The following BANK1 variants were observed in gnomAD, a reference collection of about 807,000 sequenced individuals.
The protein encoded by BANK1 is B cell scaffold protein with ankyrin repeats 1.
A neutral mutation model predicts 94.5 loss-of-function variants in BANK1; 95 were observed. The ratio of observed to expected loss-of-function variants is 1.00; its 90% CI spans 0.85 to 1.19. BANK1 has a LOEUF of 1.19. Among genes scored for constraint, BANK1 ranks in the 50% most tolerant of loss-of-function variants. The probability of loss-of-function intolerance (pLI) is 0.00; values close to 1 mark genes in which losing one functional copy is unlikely to be tolerated. For missense variants in BANK1, 987 were observed against 932.2 expected, an observed-to-expected ratio of 1.06 and a Z score of -0.77; for synonymous variants, 334 against 308.4, an observed-to-expected ratio of 1.08 and a Z score of -0.87.
chr4:101,924,713 C>A (rs1001936407), intron 7 of BANK1, among the ~76,000 whole-genome samples: 19 of 151,714 alleles, frequency 1.3e-4, no homozygotes, highest in African/African-American at 4.4e-4. Context: ...TTTACATCAC[C>A]AAAAGATAAA....
chr4:101,909,949 CTG>C (rs1722606139), intron 6 of BANK1, among the ~76,000 whole-genome samples: 1 of 152,136 alleles, frequency 6.6e-6, no homozygotes, highest in Non-Finnish European at 1.5e-5. Context: ...CTTACAGAAA[CTG>C]TGAACAGAAT....
intron 16 of BANK1, 41 bp downstream of exon 16, chr4:102,073,789 C>T: frequency 6.6e-7 from 1 of 1,518,134 alleles, no homozygotes. Flanking sequence ...AAATCTAAAG[C>T]AGCCTTGTTA....
chr4:101,870,364 AT>A, intron 4 of BANK1, 140 bp from the exon 5 acceptor site: 1 of 710,594 alleles, frequency 1.4e-6, no homozygotes, highest in Non-Finnish European at 2.0e-6. Context: ...ACTACCAAGA[AT>A]TTTAAAAATG....
intron 2 of BANK1, among the ~76,000 whole-genome samples, chr4:101,831,463 A>G (rs890217372): frequency 1.3e-5 from 2 of 152,012 alleles, no homozygotes; most frequent in Non-Finnish European, 2.9e-5. Flanking sequence ...TTCAAATTCA[A>G]TGGTTTTTTT....
At chr4:101,947,309 A>ATATATATATATATATATATATG (rs1176507515) in intron 7 of BANK1, among the ~76,000 whole-genome samples, 4,923 of 66,428 alleles carry the variant, frequency 0.074, 460 homozygotes, top group Non-Finnish European at 0.095. Context: ...ATATATATAT[A>ATATATATATATATATATATATG]TATGTATATG....
At chr4:102,056,391 G>A (rs978973290) in intron 11 of BANK1, among the ~76,000 whole-genome samples, 1 of 152,020 alleles carries the variant, frequency 6.6e-6, no homozygotes, top group Non-Finnish European at 1.5e-5. Flanking sequence ...CTTAGTAAGA[G>A]AATGATTAAA....
chr4:101,961,642 A>T (rs1724573916), intron 7 of BANK1, among the ~76,000 whole-genome samples: 1 of 152,202 alleles, frequency 6.6e-6, no homozygotes. Flanking sequence ...TTCTACAGCA[A>T]ATAAATGAAA....
intron 7 of BANK1, among the ~76,000 whole-genome samples, chr4:101,933,827 C>T (rs1458514744): frequency 2.0e-5 from 3 of 151,368 alleles, no homozygotes; most frequent in African/African-American, 4.8e-5. Flanking sequence ...GAAGGGCTAC[C>T]GAACTGATAG....
chr4:101,957,638 T>A (rs1361875767), intron 7 of BANK1, among the ~76,000 whole-genome samples: 2 of 152,218 alleles, frequency 1.3e-5, no homozygotes, highest in Admixed American at 1.3e-4. Context: ...ATGAAAAATT[T>A]GAAAGTGTTT....
At chr4:101,982,648 C>G (rs1262181961) in intron 7 of BANK1, among the ~76,000 whole-genome samples, 3 of 151,908 alleles carry the variant, frequency 2.0e-5, no homozygotes, top group African/African-American at 7.2e-5. Context: ...TATACAGCTC[C>G]TATCACACCT....
chr4:102,025,574 A>C lies in BANK1; in HGVS notation c.1594+65A>C, dbSNP rs559026013. The C allele has an allele frequency of 5.3e-5, 78 of 1,471,184 alleles. No homozygotes were observed. The East Asian group carries it at 1.7e-3, about 31-fold the overall frequency. The allele number at this position is 1,471,184 out of a possible 1,614,324, so 91.1% of individuals were successfully genotyped here. ...CAAATCTTTGACAGGCTTACATAGC[A>C]AATAGTGCAGTGGCAAATCTATACA... On this transcript the variant is annotated intron_variant, in intron 9 of 16. Coordinates refer to ENST00000322953, the MANE Select transcript of BANK1 (RefSeq NM_017935.5).
intron 7 of BANK1, among the ~76,000 whole-genome samples, chr4:101,976,283 T>C (rs886680701): frequency 1.3e-5 from 2 of 151,906 alleles, no homozygotes; most frequent in Non-Finnish European, 2.9e-5. Flanking sequence ...ATGCTGAGAG[T>C]AGGGGTTAGG....
rs147751231 is a variant in BANK1 at position 102,028,906 on chromosome 4, G to GT, written c.1595-1044dup. Among the ~76,000 whole-genome samples the GT allele has an allele frequency of 2.5e-3, 359 of 145,790 alleles. 2 individuals are homozygous for GT. The highest frequency in any genetic ancestry group is 6.3e-3 in the African/African-American group (254 of 40,000). On this transcript the variant is annotated intron_variant, in intron 9 of 16. Transcript: ENST00000322953. The stretch of plus-strand genomic sequence containing the variant: ...AGTGTCTTTCATCTGTTTTTTATTT[G>GT]TTTTTTTTTTGTTTGTTTTTATTTT...
chr4:101,916,928 C>G (rs531047157), intron 6 of BANK1, among the ~76,000 whole-genome samples: 1 of 152,072 alleles, frequency 6.6e-6, no homozygotes, highest in South Asian at 2.1e-4. Flanking sequence ...CAAATGTACA[C>G]TGTAGATTAA....
chr4:102,046,533 A>G (rs1443387739), intron 11 of BANK1, among the ~76,000 whole-genome samples: 1 of 152,140 alleles, frequency 6.6e-6, no homozygotes, highest in East Asian at 1.9e-4. Context: ...TCTGGAACCT[A>G]ACTTGGTAGG....
At chr4:102,030,570 T>G (rs1727266440) in intron 10 of BANK1, among the ~76,000 whole-genome samples, 1 of 151,836 alleles carries the variant, frequency 6.6e-6, no homozygotes, top group Non-Finnish European at 1.5e-5. Context: ...TCTCCTAATG[T>G]TATCTCTCCC....
At chr4:101,933,827 C>G (rs1458514744) in intron 7 of BANK1, among the ~76,000 whole-genome samples, 2 of 151,368 alleles carry the variant, frequency 1.3e-5, no homozygotes, top group African/African-American at 4.8e-5. Context: ...GAAGGGCTAC[C>G]GAACTGATAG....
intron 11 of BANK1, among the ~76,000 whole-genome samples, chr4:102,051,689 C>T (rs940996214): frequency 6.6e-6 from 1 of 152,190 alleles, no homozygotes; most frequent in African/African-American, 2.4e-5. Context: ...CTGACCCCAG[C>T]TACCTCTCTG....
intron 7 of BANK1, among the ~76,000 whole-genome samples, chr4:102,011,361 A>G (rs1726506587): frequency 6.6e-6 from 1 of 152,208 alleles, no homozygotes; most frequent in Non-Finnish European, 1.5e-5. Context: ...TATTTTCACA[A>G]GTGACCGAAA....
Sources: gnomAD v4.1 joint callset for allele counts (sites outside exome capture counted in the v4.1 genomes callset) on GRCh38, gnomAD v4.1.1 for gene constraint, MANE v1.5 for transcripts, NCBI Gene and HGNC (gene_info 2026-07-23, HGNC 2026-07-21) for gene names.